Variants in GSTCD observed in about 807,000 individuals in gnomAD.
GSTCD encodes glutathione S-transferase C-terminal domain-containing protein.
In GSTCD, 44 loss-of-function variants were observed where a neutral mutation model predicts 68.3. That is an observed-to-expected ratio of 0.64 (90% CI 0.51 to 0.83). The LOEUF (loss-of-function observed/expected upper bound fraction) is 0.83, where lower values mean the gene tolerates loss of function less well. Ranked by LOEUF, GSTCD falls within the 40% of genes least tolerant of loss-of-function variation. The probability of loss-of-function intolerance (pLI) is 0.00; values close to 1 mark genes in which losing one functional copy is unlikely to be tolerated. For synonymous variants in GSTCD, 273 were observed against 255.2 expected, an observed-to-expected ratio of 1.07 and a Z score of -0.67; for missense variants, 739 against 735.9, an observed-to-expected ratio of 1.00 and a Z score of -0.05.
At chr4:105,739,166 T>C (rs1733553391) in intron 5 of GSTCD, among the ~76,000 whole-genome samples, 1 of 152,240 alleles carries the variant, frequency 6.6e-6, no homozygotes, top group African/African-American at 2.4e-5. Flanking sequence ...GAATTATCCT[T>C]ATATTCCTGG....
At chr4:105,771,226 T>A (rs1345636422) in intron 5 of GSTCD, among the ~76,000 whole-genome samples, 1 of 152,196 alleles carries the variant, frequency 6.6e-6, no homozygotes, top group Non-Finnish European at 1.5e-5. Flanking sequence ...GGTTTTTTTT[T>A]TCTTGCAAAT....
chr4:105,794,061 C>T (rs370371250), intron 5 of GSTCD, among the ~76,000 whole-genome samples: 1 of 152,022 alleles, frequency 6.6e-6, no homozygotes, highest in South Asian at 2.1e-4. Flanking sequence ...GTTTTTAATA[C>T]TCCGGAGATT....
chr4:105,779,123 CT>C (rs1735183462), intron 5 of GSTCD, among the ~76,000 whole-genome samples: 1 of 152,150 alleles, frequency 6.6e-6, no homozygotes, highest in Non-Finnish European at 1.5e-5. Context: ...CAATAACATC[CT>C]TTATAACAAC....
At chr4:105,835,974 C>T (rs1724102190) in intron 9 of GSTCD, among the ~76,000 whole-genome samples, 1 of 151,988 alleles carries the variant, frequency 6.6e-6, no homozygotes, top group South Asian at 2.1e-4. Context: ...CTACTCAGCT[C>T]TCAGGTGGAA....
chr4:105,839,363 C>T (rs1045851461), intron 10 of GSTCD, among the ~76,000 whole-genome samples: 9 of 152,196 alleles, frequency 5.9e-5, no homozygotes, highest in African/African-American at 2.2e-4. Flanking sequence ...AGCCCAGGTG[C>T]AGTGGCTCAC....
At chr4:105,730,315 C>T (rs1733189401) in intron 5 of GSTCD, among the ~76,000 whole-genome samples, 1 of 152,174 alleles carries the variant, frequency 6.6e-6, no homozygotes, top group African/African-American at 2.4e-5. Flanking sequence ...GAGGAATCAC[C>T]ACACTGTCTT....
At chr4:105,833,733 A>C (rs886832244) in intron 8 of GSTCD, among the ~76,000 whole-genome samples, 5 of 152,166 alleles carry the variant, frequency 3.3e-5, no homozygotes, top group Admixed American at 2.0e-4. Flanking sequence ...TCTCATTTGT[A>C]GTAAGATTAT....
intron 5 of GSTCD, among the ~76,000 whole-genome samples, chr4:105,750,616 G>A (rs966727814): frequency 3.6e-4 from 55 of 152,092 alleles, no homozygotes; most frequent in Non-Finnish European, 5.9e-5. Flanking sequence ...CATGCAACTA[G>A]CATAAGACTC....
intron 8 of GSTCD, among the ~76,000 whole-genome samples, chr4:105,833,227 G>A (rs1723973020): frequency 6.6e-6 from 1 of 152,196 alleles, no homozygotes; most frequent in African/African-American, 2.4e-5. Context: ...CACTTTGGGA[G>A]GCCGAGGTGG....
chr4:105,730,644 C>T (rs1733203719), intron 5 of GSTCD, among the ~76,000 whole-genome samples: 1 of 151,910 alleles, frequency 6.6e-6, no homozygotes, highest in African/African-American at 2.4e-5. Flanking sequence ...GGATATTAGC[C>T]CTTTGTCAGA....
At chr4:105,779,074 T>C (rs534322822) in intron 5 of GSTCD, among the ~76,000 whole-genome samples, 39 of 152,218 alleles carry the variant, frequency 2.6e-4, no homozygotes, top group Admixed American at 1.1e-3. Flanking sequence ...AATATTATTA[T>C]CTATTCCACA....
intron 5 of GSTCD, among the ~76,000 whole-genome samples, chr4:105,807,725 T>A (rs1450179935): frequency 2.0e-5 from 3 of 152,066 alleles, no homozygotes; most frequent in Non-Finnish European, 4.4e-5. Context: ...GCACATGGTA[T>A]CAGTTTGACA....
At chr4:105,792,841 G>A (rs2544429) in intron 5 of GSTCD, among the ~76,000 whole-genome samples, 4 of 152,038 alleles carry the variant, frequency 2.6e-5, no homozygotes, top group African/African-American at 9.7e-5. Flanking sequence ...TTAAATTCCC[G>A]CTACATCATT....
intron 5 of GSTCD, among the ~76,000 whole-genome samples, chr4:105,765,231 T>C (rs1734559309): frequency 6.6e-6 from 1 of 152,224 alleles, no homozygotes; most frequent in African/African-American, 2.4e-5. Context: ...AATTGACTCA[T>C]GAGTTAACAC....
intron 5 of GSTCD, among the ~76,000 whole-genome samples, chr4:105,821,816 T>A (rs1055988445): frequency 1.3e-5 from 2 of 151,988 alleles, no homozygotes; most frequent in African/African-American, 4.8e-5. Context: ...AAAGTAACCA[T>A]ACATGTACAT....
chr4:105,819,979 A>AT (rs1723200267), intron 5 of GSTCD, among the ~76,000 whole-genome samples: 1 of 151,822 alleles, frequency 6.6e-6, no homozygotes, highest in Non-Finnish European at 1.5e-5. Flanking sequence ...ACATCTAATG[A>AT]GTATCCATGC....
intron 5 of GSTCD, among the ~76,000 whole-genome samples, chr4:105,784,333 G>A (rs921299673): frequency 5.5e-4 from 84 of 152,282 alleles, no homozygotes; most frequent in African/African-American, 1.9e-3. Flanking sequence ...AATGTGGAAG[G>A]CAGAAGAGAG....
intron 5 of GSTCD, among the ~76,000 whole-genome samples, chr4:105,785,585 C>T (rs1735435103): frequency 6.6e-6 from 1 of 152,118 alleles, no homozygotes; most frequent in Non-Finnish European, 1.5e-5. Flanking sequence ...ATAAAATGCA[C>T]ACTTTCATGC....
intron 4 of GSTCD, among the ~76,000 whole-genome samples, chr4:105,727,159 T>C (rs942683058): frequency 4.6e-5 from 7 of 151,960 alleles, no homozygotes; most frequent in African/African-American, 1.5e-4. Context: ...TATACTATTT[T>C]AACATAATCT....
Sources: allele counts gnomAD v4.1 joint callset (sites outside exome capture counted in the v4.1 genomes callset), GRCh38; gene constraint gnomAD v4.1.1; transcripts MANE v1.5; gene names NCBI Gene and HGNC (gene_info 2026-07-23, HGNC 2026-07-21).